MAML2: variants seen among roughly 807,000 people sequenced by gnomAD.
MAML2 encodes the protein mastermind like transcriptional coactivator 2.
MAML2 carries 22 observed loss-of-function variants against 96.1 expected under a neutral mutation model. That is an observed-to-expected ratio of 0.23 (90% CI 0.16 to 0.33). The LOEUF (loss-of-function observed/expected upper bound fraction) is 0.33, where lower values mean the gene tolerates loss of function less well. MAML2 is among the 10% of genes least tolerant of loss of function. MAML2 has a pLI of 1.00. For missense variants in MAML2, 1,367 were observed against 1,392.4 expected, an observed-to-expected ratio of 0.98 and a Z score of 0.29; for synonymous variants, 561 against 521.3, an observed-to-expected ratio of 1.08 and a Z score of -1.04.
In MAML2 at chr11:96,092,113, G is replaced by C. The variant is rs1223536374; in HGVS notation, c.1918C>G (p.Gln640Glu). 4 of 1,550,562 alleles carry C rather than the reference G, an allele frequency of 2.6e-6. No homozygotes were observed. The highest frequency in any genetic ancestry group is 3.5e-6 in the Non-Finnish European group (4 of 1,146,658). ...TGCTGTTGTTGCTGCTGCTGCTGCT[G>C]TTGGGCTGAAATTGAGCTCTGCTGC... is the stretch of plus-strand genomic sequence containing the variant. ...QQQQSSISAQ[Q>E]QQQQQQQQQQ... The change falls in exon 2 of 5, where the codon CAG becomes GAG. Residue 640 changes from glutamine to glutamate, a missense_variant. By Grantham distance (29) the Gln-to-Glu change is conservative. Coordinates refer to ENST00000524717, the MANE Select transcript of MAML2 (RefSeq NM_032427.4). This position sits in a 1 kb window ranked among gnomAD's most constrained non-coding sequence, Gnocchi z 4.1.
At chr11:96,128,472 AT>A (rs1213793014) in intron 1 of MAML2, among the ~76,000 whole-genome samples, 2 of 152,180 alleles carry the variant, frequency 1.3e-5, no homozygotes, top group African/African-American at 4.8e-5. Context: ...TCATTTGCTT[AT>A]TGGTATCATC....
intron 2 of MAML2, among the ~76,000 whole-genome samples, chr11:96,055,503 C>T (rs939037640): frequency 2.0e-5 from 3 of 152,172 alleles, no homozygotes; most frequent in Admixed American, 2.0e-4. Flanking sequence ...AGTTACCATA[C>T]AGAGCCTTTT....
intron 2 of MAML2, among the ~76,000 whole-genome samples, chr11:96,075,623 G>A (rs1358984395): frequency 6.6e-6 from 1 of 152,188 alleles, no homozygotes; most frequent in Non-Finnish European, 1.5e-5. Flanking sequence ...ATTCTGGAAG[G>A]TATAATGTAA....
chr11:96,057,699 G>A (rs563133767), intron 2 of MAML2, among the ~76,000 whole-genome samples: 1 of 152,244 alleles, frequency 6.6e-6, no homozygotes, highest in South Asian at 2.1e-4. Context: ...GGCAGAGAAC[G>A]AGGTGTTCCA....
chr11:96,132,834 T>C (rs1279876378), intron 1 of MAML2, among the ~76,000 whole-genome samples: 1 of 152,222 alleles, frequency 6.6e-6, no homozygotes, highest in African/African-American at 2.4e-5. Context: ...ATTGTAAAAG[T>C]CCAAGTGGTA....
chr11:96,319,092 C>T (rs1863669460), intron 1 of MAML2, among the ~76,000 whole-genome samples: 1 of 152,188 alleles, frequency 6.6e-6, no homozygotes, highest in African/African-American at 2.4e-5. Flanking sequence ...TCTCTTGGAT[C>T]ACTGTTTCTG....
intron 1 of MAML2, among the ~76,000 whole-genome samples, chr11:96,098,132 C>T (rs1859863293): frequency 6.6e-6 from 1 of 152,114 alleles, no homozygotes; most frequent in Non-Finnish European, 1.5e-5. Flanking sequence ...ATTCGGGACA[C>T]AGGGGGTTGG....
At chr11:96,151,798 A>G (rs536963955) in intron 1 of MAML2, among the ~76,000 whole-genome samples, 196 of 152,332 alleles carry the variant, frequency 1.3e-3, no homozygotes, top group African/African-American at 4.6e-3. Context: ...CTATGAGCCA[A>G]TGAAACCTCT....
At chr11:96,258,659 G>A (rs1422579275) in intron 1 of MAML2, among the ~76,000 whole-genome samples, 2 of 152,208 alleles carry the variant, frequency 1.3e-5, no homozygotes, top group African/African-American at 4.8e-5. Context: ...CTAAGCCAGT[G>A]TGCTTAGAAG....
chr11:96,197,902 A>G (rs1861754396), intron 1 of MAML2, among the ~76,000 whole-genome samples: 1 of 152,212 alleles, frequency 6.6e-6, no homozygotes, highest in Non-Finnish European at 1.5e-5. Context: ...AGGATGGAGG[A>G]GAGTGTTCTA....
At position 96,341,853 on chromosome 11, in the gene MAML2, C is replaced by A; in HGVS notation, c.43G>T (p.Gly15Trp). 11 of 1,558,246 alleles carry A rather than the reference C, an allele frequency of 7.1e-6. No homozygotes were observed. The highest frequency in any genetic ancestry group is 9.5e-6 in the Non-Finnish European group (11 of 1,155,984). Residue 15 changes from glycine (G) to tryptophan (W), a missense_variant, in exon 1 of 5, where the codon GGG becomes TGG. By Grantham distance (184) the Gly-to-Trp change is radical. Transcript: ENST00000524717. ...APPQAPAGGLGGASGAGLLGG... is the reference protein window; with the variant it reads ...APPQAPAGGLWGASGAGLLGG... The stretch of plus-strand genomic sequence containing the variant: ...AGGAGCCCCGCCCCAGAGGCCCCCC[C>A]TAGCCCTCCTGCGGGGGCCTGCGGG...
Position 96,144,856 on chromosome 11 carries a change from A to G in MAML2, c.514-51339T>C, listed in dbSNP as rs576228287. ...CTTATACAAATCCCGTGGAAGAGAA[A>G]TGACTTTCCTCATTTTAGATTCTAG... On this transcript the variant is annotated intron_variant, in intron 1 of 4. Coordinates refer to ENST00000524717, the MANE Select transcript of MAML2 (RefSeq NM_032427.4). 2.0e-5 allele frequency among the ~76,000 whole-genome samples: 3 copies of G among 152,318 alleles called. No individual in the cohort carries two copies. The South Asian group carries it at 6.2e-4, about 32-fold the overall frequency.
intron 1 of MAML2, among the ~76,000 whole-genome samples, chr11:96,282,446 A>C (rs2135986626): frequency 6.6e-6 from 1 of 152,308 alleles, no homozygotes; most frequent in East Asian, 1.9e-4. Context: ...GCTACTGAGT[A>C]GAACAAAGTA....
At chr11:96,180,474 G>T (rs896365505) in intron 1 of MAML2, among the ~76,000 whole-genome samples, 3 of 152,206 alleles carry the variant, frequency 2.0e-5, no homozygotes, top group Non-Finnish European at 4.4e-5. Flanking sequence ...GGGTCACAGA[G>T]AGAGACTACA....
chr11:96,313,832 G>A (rs1306198123), intron 1 of MAML2, among the ~76,000 whole-genome samples: 1 of 152,122 alleles, frequency 6.6e-6, no homozygotes, highest in Non-Finnish European at 1.5e-5. Context: ...TAAAAATGCA[G>A]ATATTAGGGT....
At chr11:96,248,795 C>A (rs1202423942) in intron 1 of MAML2, among the ~76,000 whole-genome samples, 1 of 152,194 alleles carries the variant, frequency 6.6e-6, no homozygotes, top group African/African-American at 2.4e-5. Flanking sequence ...ATTCTCATTT[C>A]ATTTCTTATG....
chr11:96,027,382 A>C (rs1211766337), intron 2 of MAML2, among the ~76,000 whole-genome samples: 1 of 152,230 alleles, frequency 6.6e-6, no homozygotes, highest in Non-Finnish European at 1.5e-5. Flanking sequence ...TAAGTTCTCA[A>C]GACCACACAG....
intron 1 of MAML2, among the ~76,000 whole-genome samples, chr11:96,340,038 T>A (rs568285231): frequency 6.6e-6 from 1 of 152,292 alleles, no homozygotes; most frequent in African/African-American, 2.4e-5. Context: ...GTCCCATTCC[T>A]AGGTAGCCCA....
intron 1 of MAML2, among the ~76,000 whole-genome samples, chr11:96,129,273 A>G (rs1325363945): frequency 6.6e-6 from 1 of 152,206 alleles, no homozygotes; most frequent in African/African-American, 2.4e-5. Flanking sequence ...TCTAAAAATA[A>G]GTAAAGAAGA....
Sources: gnomAD v4.1 joint callset for allele counts (sites outside exome capture counted in the v4.1 genomes callset) on GRCh38, gnomAD v4.1.1 for gene constraint, Gnocchi (gnomAD v3.1) non-coding constraint, MANE v1.5 for transcripts, NCBI Gene and HGNC (gene_info 2026-07-23, HGNC 2026-07-21) for gene names.